The following PDE10A variants were observed in gnomAD, a reference collection of about 807,000 sequenced individuals.
PDE10A encodes phosphodiesterase 10A.
A neutral mutation model predicts 97.7 loss-of-function variants in PDE10A; 39 were observed. The observed-to-expected ratio is 0.40, with a 90% CI of 0.31 to 0.52. The LOEUF (loss-of-function observed/expected upper bound fraction) is 0.52, where lower values mean the gene tolerates loss of function less well. Ranked by LOEUF, PDE10A falls within the 20% of genes least tolerant of loss-of-function variation. The pLI is 0.56. For missense variants in PDE10A, 731 were observed against 1,047.8 expected (o/e 0.70, Z 4.17); for synonymous variants, 371 against 376.8 (o/e 0.98, Z 0.18).
intron 1 of PDE10A, among the ~76,000 whole-genome samples, chr6:165,600,663 C>T (rs1284360028): frequency 6.6e-6 from 1 of 152,190 alleles, no homozygotes. Flanking sequence ...TCTCAGTGAT[C>T]TTCCCTACCG....
chr6:165,957,931 C>A (rs1161041610), intron 1 of PDE10A, among the ~76,000 whole-genome samples: 1 of 152,318 alleles, frequency 6.6e-6, no homozygotes, highest in Non-Finnish European at 1.5e-5. Context: ...TCTTTCAATT[C>A]CACACCTCTC....
intron 18 of PDE10A, among the ~76,000 whole-genome samples, chr6:165,354,128 G>A (rs898364068): frequency 1.3e-5 from 2 of 152,120 alleles, no homozygotes; most frequent in African/African-American, 4.8e-5. Context: ...AGAAATAACA[G>A]CTAAGTTCCA....
intron 1 of PDE10A, among the ~76,000 whole-genome samples, chr6:165,804,846 C>G (rs575971963): frequency 1.3e-5 from 2 of 151,338 alleles, no homozygotes; most frequent in Non-Finnish European, 2.9e-5. Context: ...GCTGCAGCTC[C>G]GAAGCTCCCA....
chr6:165,543,587 G>C lies in PDE10A; in HGVS notation c.866-19C>G. 6.3e-7 allele frequency: 1 copy of C among 1,593,048 alleles called. No individual in the cohort carries two copies. Among genetic ancestry groups the C allele is most frequent in the South Asian group, 1.1e-5 (1 of 89,164 alleles). On this transcript the variant is annotated intron_variant, in intron 1 of 21. Transcript: ENST00000539869. ...GTCAAACCTGTAAAAGAATTGAAAAGAATAAAATTCACCTATACAACATCC... is the reference window on the plus strand; with the variant it reads ...GTCAAACCTGTAAAAGAATTGAAAACAATAAAATTCACCTATACAACATCC...
At chr6:165,490,894 G>A (rs636102) in intron 2 of PDE10A, among the ~76,000 whole-genome samples, 44,150 of 151,972 alleles carry the variant, frequency 0.29, 6,789 homozygotes, top group African/African-American at 0.39. Context: ...AGTAGAGGCC[G>A]CAGTGAGCCA....
chr6:165,674,631 A>C (rs1480447709), intron 1 of PDE10A, among the ~76,000 whole-genome samples: 2 of 152,196 alleles, frequency 1.3e-5, no homozygotes, highest in African/African-American at 4.8e-5. Context: ...CTAACTCACT[A>C]TTCCTAAGGG....
At chr6:165,853,157 C>A (rs1285624080) in intron 1 of PDE10A, among the ~76,000 whole-genome samples, 2 of 152,214 alleles carry the variant, frequency 1.3e-5, no homozygotes, top group African/African-American at 4.8e-5. Flanking sequence ...GAGCGGGTAC[C>A]TCCTTCTGCA....
At chr6:165,952,482 C>T (rs534894297) in intron 1 of PDE10A, among the ~76,000 whole-genome samples, 3 of 152,338 alleles carry the variant, frequency 2.0e-5, no homozygotes, top group African/African-American at 7.2e-5. Flanking sequence ...TTTACACACA[C>T]ACATTTGCAA....
chr6:165,918,793 T>C (rs1782675073), intron 1 of PDE10A, among the ~76,000 whole-genome samples: 1 of 151,940 alleles, frequency 6.6e-6, no homozygotes, highest in African/African-American at 2.4e-5. Flanking sequence ...GCCCTCTTCC[T>C]CTCGGGGGTG....
intron 1 of PDE10A, among the ~76,000 whole-genome samples, chr6:165,803,102 C>G (rs952346920): frequency 6.6e-5 from 10 of 152,228 alleles, no homozygotes; most frequent in Non-Finnish European, 1.2e-4. Flanking sequence ...TTGAACTTGA[C>G]AATTCCATCC....
intron 1 of PDE10A, among the ~76,000 whole-genome samples, chr6:165,612,725 A>G (rs1787555022): frequency 6.6e-6 from 1 of 152,182 alleles, no homozygotes; most frequent in Admixed American, 6.5e-5. Flanking sequence ...AAGAAACAAT[A>G]CCAAAATAAT....
At chr6:165,978,218 C>T (rs1784906168) in intron 1 of PDE10A, among the ~76,000 whole-genome samples, 1 of 151,950 alleles carries the variant, frequency 6.6e-6, no homozygotes, top group South Asian at 2.1e-4. Context: ...CAGAAAGAGC[C>T]CTTTCTAAAA....
intron 1 of PDE10A, among the ~76,000 whole-genome samples, chr6:165,937,095 G>T (rs1292125696): frequency 6.6e-6 from 1 of 152,146 alleles, no homozygotes; most frequent in Non-Finnish European, 1.5e-5. Context: ...CCCAAAACAG[G>T]CAGTTCTGCA....
chr6:165,519,465 GA>G lies in PDE10A; in HGVS notation c.994+23974del, dbSNP rs978486217. 2.8e-3 allele frequency among the ~76,000 whole-genome samples: 403 copies of G among 142,032 alleles called. 1 individual carries two copies. Among genetic ancestry groups the G allele is most frequent in the Non-Finnish European group, 3.9e-3 (255 of 64,826 alleles). The allele number at this position is 142,032 out of a possible 152,430, so 93.2% of individuals were successfully genotyped here. ...CTCATGGAGACTGAGATGAGGAGAG[GA>G]AAAAAAAAAAACCACATCAGAAGAA... On this transcript the variant is annotated intron_variant, in intron 2 of 21. Coordinates refer to ENST00000539869, the MANE Select transcript of PDE10A (RefSeq NM_001385079.1).
intron 1 of PDE10A, among the ~76,000 whole-genome samples, chr6:165,603,637 G>A (rs776520758): frequency 1.8e-4 from 28 of 152,326 alleles, no homozygotes; most frequent in African/African-American, 5.1e-4. Context: ...GGGGAGCAGC[G>A]TCCCAGTGAG....
intron 1 of PDE10A, chr6:165,659,988 T>A (rs541757806): frequency 6.6e-6 from 1 of 152,470 alleles, no homozygotes; most frequent in African/African-American, 2.4e-5. Flanking sequence ...CGTGCCTCAG[T>A]AGCACCACCT....
At chr6:165,403,388 C>G (rs1370394536) in intron 13 of PDE10A, among the ~76,000 whole-genome samples, 1 of 152,078 alleles carries the variant, frequency 6.6e-6, no homozygotes, top group Non-Finnish European at 1.5e-5. Context: ...TGAAATTGTC[C>G]ATATTGAGGG....
intron 18 of PDE10A, among the ~76,000 whole-genome samples, 162 bp from the exon 19 acceptor site, chr6:165,343,664 G>C (rs1399181132): frequency 2.5e-4 from 38 of 152,184 alleles, no homozygotes; most frequent in Non-Finnish European, 2.9e-5. Context: ...TTAAAAATTA[G>C]TGTCATTTTC....
rs1395397476 is a variant in PDE10A at position 165,330,861 on chromosome 6, C to G, written c.*2164G>C. 1 of 152,142 alleles carries G rather than the reference C, an allele frequency of 6.6e-6. No individual in the cohort carries two copies. Among genetic ancestry groups the G allele is most frequent in the Non-Finnish European group, 1.5e-5 (1 of 68,004 alleles). The allele number at this position is 152,142 out of a possible 1,614,324, so 9.4% of individuals were successfully genotyped here. On this transcript the variant is annotated 3_prime_UTR_variant, in exon 22 of 22. Transcript: ENST00000539869. ...AAGCGAAATGAGATAACTAAACTAACTTTTGTGACTAAAGCTGTGTTTGGT... is the reference window on the plus strand; with the variant it reads ...AAGCGAAATGAGATAACTAAACTAAGTTTTGTGACTAAAGCTGTGTTTGGT...
Sources: allele counts gnomAD v4.1 joint callset (sites outside exome capture counted in the v4.1 genomes callset), GRCh38; gene constraint gnomAD v4.1.1; transcripts MANE v1.5; gene names NCBI Gene and HGNC (gene_info 2026-07-23, HGNC 2026-07-21).